PPFIA2: variants seen among roughly 807,000 people sequenced by gnomAD.
PPFIA2 encodes liprin-alpha-2.
In PPFIA2, 46 loss-of-function variants were observed where a neutral mutation model predicts 175.5. The ratio of observed to expected loss-of-function variants is 0.26; its 90% CI spans 0.21 to 0.34. The LOEUF is 0.34. PPFIA2 is among the 10% of genes least tolerant of loss of function. The probability of loss-of-function intolerance (pLI) is 1.00; values close to 1 mark genes in which losing one functional copy is unlikely to be tolerated. For missense variants in PPFIA2, 1,179 were observed against 1,506.1 expected (o/e 0.78, Z 3.60); for synonymous variants, 568 against 511.4 (o/e 1.11, Z -1.49).
At chr12:81,340,552 T>C (rs1323292563) in intron 20 of PPFIA2, among the ~76,000 whole-genome samples, 1 of 152,024 alleles carries the variant, frequency 6.6e-6, no homozygotes, top group Non-Finnish European at 1.5e-5. Context: ...TTTCTCCATC[T>C]AGACTTATCT....
chr12:81,517,605 C>T (rs887968881), intron 4 of PPFIA2, among the ~76,000 whole-genome samples: 9 of 152,130 alleles, frequency 5.9e-5, no homozygotes, highest in African/African-American at 2.2e-4. Flanking sequence ...GACTGAACCT[C>T]CATCACATTG....
intron 11 of PPFIA2, among the ~76,000 whole-genome samples, chr12:81,373,985 C>T (rs1427148617): frequency 6.6e-6 from 1 of 151,802 alleles, no homozygotes; most frequent in Non-Finnish European, 1.5e-5. Flanking sequence ...ATGCCATTTC[C>T]GTTTGATTGT....
At chr12:81,432,488 C>T (rs2048265878) in intron 7 of PPFIA2, among the ~76,000 whole-genome samples, 1 of 136,488 alleles carries the variant, frequency 7.3e-6, no homozygotes, top group African/African-American at 2.7e-5. Context: ...TTTTTCAATA[C>T]AGAGTCTTGC....
chr12:81,373,667 C>T (rs2035710295), intron 11 of PPFIA2, among the ~76,000 whole-genome samples: 3 of 151,300 alleles, frequency 2.0e-5, no homozygotes, highest in Admixed American at 2.0e-4. Flanking sequence ...CCTATTTTAA[C>T]CAACAGGAAG....
At position 81,439,179 on chromosome 12, in the gene PPFIA2, C is replaced by A. The variant is rs1205080824; in HGVS notation, c.645+793G>T. Among the ~76,000 whole-genome samples the A allele has an allele frequency of 3.3e-5, 5 of 149,908 alleles. No individual in the cohort carries two copies. In the Admixed American group the frequency reaches 3.3e-4, roughly 10 times the overall value. On this transcript the variant is annotated intron_variant, in intron 7 of 32. Coordinates refer to ENST00000549396, the MANE Select transcript of PPFIA2 (RefSeq NM_003625.5). ...TCTCTCTCTCTCCCTCTCTCTCTCTCTCTCTCTATATATATATATAATTTT... is the reference window on the plus strand; with the variant it reads ...TCTCTCTCTCTCCCTCTCTCTCTCTATCTCTCTATATATATATATAATTTT...
At chr12:81,481,469 T>G (rs561656219) in intron 4 of PPFIA2, among the ~76,000 whole-genome samples, 1 of 152,222 alleles carries the variant, frequency 6.6e-6, no homozygotes, top group South Asian at 2.1e-4. Context: ...GCTGGACACA[T>G]CATGCTACCT....
At chr12:81,340,144 T>G (rs1032548529) in intron 20 of PPFIA2, among the ~76,000 whole-genome samples, 2 of 152,092 alleles carry the variant, frequency 1.3e-5, no homozygotes, top group African/African-American at 4.8e-5. Context: ...AAGCAATAGC[T>G]TTTTATATGT....
In PPFIA2 at chr12:81,749,710, A is replaced by G. The variant is rs1316282859; in HGVS notation, c.249+4263T>C. 1.4e-5 allele frequency among the ~76,000 whole-genome samples: 2 copies of G among 144,226 alleles called. 1 individual carries two copies. The highest frequency in any genetic ancestry group is 4.9e-5 in the African/African-American group (2 of 41,082). 94.6% of individuals were successfully genotyped at this position (144,226 alleles called of 152,430 possible). A position where few individuals can be genotyped will look rare whatever the true frequency, so the allele number is the denominator to read the frequency against. On this transcript the variant is annotated intron_variant, in intron 3 of 32. Coordinates refer to ENST00000549396, the MANE Select transcript of PPFIA2 (RefSeq NM_003625.5). ...TAATTCCATATTTAATTTTTTATAC[A>G]TTAATTAGTTTTTATTTGCCTCATA...
At chr12:81,433,739 A>G (rs1055121776) in intron 7 of PPFIA2, among the ~76,000 whole-genome samples, 3 of 151,614 alleles carry the variant, frequency 2.0e-5, no homozygotes, top group Non-Finnish European at 4.4e-5. Context: ...TTTGACAAAC[A>G]TATATTGATC....
chr12:81,647,774 T>TATAATATAC (rs1491034068), intron 4 of PPFIA2, among the ~76,000 whole-genome samples: 1 of 138,030 alleles, frequency 7.2e-6, no homozygotes, highest in African/African-American at 2.6e-5. Context: ...TATATATATA[T>TATAATATAC]ATATAATATA....
intron 4 of PPFIA2, among the ~76,000 whole-genome samples, chr12:81,562,846 CAAAAAAAAAA>C (rs11475809): frequency 2.6e-3 from 76 of 29,576 alleles, no homozygotes; most frequent in Admixed American, 7.8e-3. Context: ...GACTCTGTCT[CAAAAAAAAAA>C]AAAAAAAAAA....
intron 4 of PPFIA2, among the ~76,000 whole-genome samples, chr12:81,573,256 C>G (rs1297978073): frequency 1.3e-5 from 2 of 151,892 alleles, no homozygotes; most frequent in Admixed American, 6.6e-5. Flanking sequence ...CCACACAAAA[C>G]AGTAGCATAT....
At chr12:81,493,269 C>T (rs1406585946) in intron 4 of PPFIA2, among the ~76,000 whole-genome samples, 2 of 151,948 alleles carry the variant, frequency 1.3e-5, no homozygotes, top group East Asian at 3.9e-4. Flanking sequence ...GTACTTAAAT[C>T]TCTAATTCAG....
At chr12:81,275,169 C>T (rs2040198685) in intron 28 of PPFIA2, among the ~76,000 whole-genome samples, 1 of 152,144 alleles carries the variant, frequency 6.6e-6, no homozygotes, top group South Asian at 2.1e-4. Context: ...CCATTAATTC[C>T]CAAATTTCAA....
chr12:81,527,948 A>G lies in PPFIA2; in HGVS notation c.304-70082T>C, dbSNP rs541331527. ...TTCCTAGCTTCCAGAATTGTGAGAAATAAACTTCTGTTGTTTATAAGCTAC... is the reference window on the plus strand; with the variant it reads ...TTCCTAGCTTCCAGAATTGTGAGAAGTAAACTTCTGTTGTTTATAAGCTAC... On this transcript the variant is annotated intron_variant, in intron 4 of 32. Coordinates refer to ENST00000549396, the MANE Select transcript of PPFIA2 (RefSeq NM_003625.5). 5.1e-4 allele frequency among the ~76,000 whole-genome samples: 77 copies of G among 152,244 alleles called. 1 individual carries two copies. The highest frequency in any genetic ancestry group is 8.4e-4 in the Non-Finnish European group (57 of 67,992).
At chr12:81,541,552 G>A (rs2066212208) in intron 4 of PPFIA2, among the ~76,000 whole-genome samples, 1 of 151,938 alleles carries the variant, frequency 6.6e-6, no homozygotes, top group Admixed American at 6.6e-5. Context: ...ATGCCAATTT[G>A]GAAAATGCGT....
intron 32 of PPFIA2, 51 bp downstream of exon 32, chr12:81,261,898 G>C: frequency 7.9e-7 from 1 of 1,264,874 alleles, no homozygotes; most frequent in East Asian, 2.5e-5. Context: ...GTCTATGTAG[G>C]TTCCATTTTT....
At chr12:81,268,636 C>T (rs1043653620) in intron 28 of PPFIA2, among the ~76,000 whole-genome samples, 2 of 152,180 alleles carry the variant, frequency 1.3e-5, no homozygotes, top group African/African-American at 4.8e-5. Context: ...GCTAAAATGA[C>T]AGCACTTCAG....
intron 4 of PPFIA2, among the ~76,000 whole-genome samples, chr12:81,675,873 A>G (rs2072412592): frequency 6.6e-6 from 1 of 152,100 alleles, no homozygotes; most frequent in Non-Finnish European, 1.5e-5. Context: ...AAAAAGAAGG[A>G]AAAGAACTAT....
Sources: gnomAD v4.1 joint callset for allele counts (sites outside exome capture counted in the v4.1 genomes callset) on GRCh38, gnomAD v4.1.1 for gene constraint, MANE v1.5 for transcripts, NCBI Gene and HGNC (gene_info 2026-07-23, HGNC 2026-07-21) for gene names.